The following ENTPD5 variants were observed in gnomAD, a reference collection of about 807,000 sequenced individuals.
ENTPD5 encodes the protein ectonucleoside triphosphate diphosphohydrolase 5 (inactive), also known as nucleoside diphosphate phosphatase ENTPD5.
ENTPD5 carries 49 observed loss-of-function variants against 60.2 expected under a neutral mutation model. The ratio of observed to expected loss-of-function variants is 0.81; its 90% CI spans 0.65 to 1.03. ENTPD5 has a LOEUF of 1.03. ENTPD5 is among the 50% of genes least tolerant of loss of function. The pLI, the probability that ENTPD5 is intolerant of heterozygous loss-of-function variation, is 0.00. For synonymous variants in ENTPD5, 187 were observed against 185.4 expected (o/e 1.01, Z -0.07); for missense variants, 480 against 507.6 (o/e 0.95, Z 0.52).
downstream of ENTPD5, among the ~76,000 whole-genome samples, chr14:73,957,343 C>G (rs915066093): frequency 2.0e-5 from 3 of 152,262 alleles, no homozygotes; most frequent in East Asian, 5.8e-4. Flanking sequence ...CCTCGGCCTC[C>G]CAAAGTGCTG....
chr14:73,958,127 C>A, downstream of ENTPD5: 3 of 1,610,210 alleles, frequency 1.9e-6, no homozygotes, highest in South Asian at 1.1e-5. Context: ...ATTTTTTTTC[C>A]TCTCTTTTGA....
intron 3 of ENTPD5, among the ~76,000 whole-genome samples, chr14:73,991,417 C>T (rs1309587241): frequency 2.6e-5 from 4 of 151,786 alleles, no homozygotes; most frequent in South Asian, 2.1e-4. Context: ...GTGAAACCCC[C>T]GTCTCTACTA....
intron 3 of ENTPD5, among the ~76,000 whole-genome samples, chr14:73,990,760 G>A (rs1207279897): frequency 6.6e-6 from 1 of 152,058 alleles, no homozygotes; most frequent in Non-Finnish European, 1.5e-5. Context: ...TGGGTGCAGT[G>A]GCTCATGCCT....
Position 73,987,294 on chromosome 14 carries a change from T to C in ENTPD5, c.218-401A>G, listed in dbSNP as rs2057943242. 1.5e-5 allele frequency: 9 copies of C among 614,820 alleles called. No individual in the cohort carries two copies. The South Asian group carries it at 1.6e-4, about 11-fold the overall frequency. 38.1% of individuals were successfully genotyped at this position (614,820 alleles called of 1,614,324 possible). On this transcript the variant is annotated intron_variant, in intron 4 of 15. Transcript: ENST00000334696. ...TATTATGGATCCCTGGAGTATCCCA[T>C]GTTTAAAGAGGAAGAACAAATTATA...
downstream of ENTPD5, chr14:73,955,676 A>G (rs1048154129): frequency 2.0e-6 from 3 of 1,483,056 alleles, no homozygotes. Flanking sequence ...TTCTCATTTT[A>G]TATTTTCCTA....
intron 3 of ENTPD5, among the ~76,000 whole-genome samples, chr14:74,001,519 T>G (rs1016939202): frequency 6.8e-6 from 1 of 147,296 alleles, no homozygotes; most frequent in African/African-American, 2.5e-5. Flanking sequence ...AAGAAAAAAA[T>G]TAGCCAGGCA....
downstream of ENTPD5, chr14:73,958,492 T>A (rs1031298924): frequency 7.2e-7 from 1 of 1,387,612 alleles, no homozygotes; most frequent in African/African-American, 1.5e-5. Context: ...GGTTGTGAAA[T>A]AACAGATAGC....
chr14:73,983,847 C>T (rs2057794252), intron 5 of ENTPD5, among the ~76,000 whole-genome samples: 1 of 151,416 alleles, frequency 6.6e-6, no homozygotes, highest in African/African-American at 2.4e-5. Context: ...TATGCCACCA[C>T]ACCCAGATAA....
chr14:73,997,475 T>C (rs2058373561), intron 3 of ENTPD5, among the ~76,000 whole-genome samples: 1 of 152,136 alleles, frequency 6.6e-6, no homozygotes, highest in Non-Finnish European at 1.5e-5. Flanking sequence ...TGACAATTCA[T>C]CTGAGCTCCA....
chr14:73,987,214 T>C (rs1218329299), intron 4 of ENTPD5: 1 of 693,598 alleles, frequency 1.4e-6, no homozygotes, highest in African/African-American at 1.8e-5. Context: ...TGTCCAAGGA[T>C]GGCAGTGAAA....
chr14:73,991,852 T>A (rs1408667547), intron 3 of ENTPD5, among the ~76,000 whole-genome samples: 3 of 150,850 alleles, frequency 2.0e-5, no homozygotes, highest in East Asian at 2.0e-4. Context: ...TATGTTTATT[T>A]AAAAATTTTT....
At chr14:74,011,066 A>C (rs1383815246) in intron 3 of ENTPD5, 25 bp downstream of exon 3, 1 of 542,402 alleles carries the variant, frequency 1.8e-6, no homozygotes, top group Admixed American at 6.4e-5. Context: ...GAAAAAGTGA[A>C]GTATTACTTA....
chr14:73,970,106 GT>G lies in ENTPD5; in HGVS notation c.1103del (p.Asn368ThrfsTer20). Reference sequence around the variant, plus strand: ...ACAGGAAAGGACTGCCTGAGGTGAAGTTTTCCAAGTTATCACACACTGAAAG... The same window carrying G: ...ACAGGAAAGGACTGCCTGAGGTGAAGTTTCCAAGTTATCACACACTGAAAG... The part of the protein sequence containing the change: ...KAREVCDNLE[N>X]FTSGSPFLCM... On this transcript the variant is annotated frameshift_variant, in exon 15 of 16. Coordinates refer to ENST00000334696, the MANE Select transcript of ENTPD5 (RefSeq NM_001249.5). LOFTEE classifies it high-confidence loss of function. 1 of 1,613,066 alleles carries G rather than the reference GT, an allele frequency of 6.2e-7. No homozygotes were observed. The highest frequency in any genetic ancestry group is 8.5e-7 in the Non-Finnish European group (1 of 1,179,098).
intron 11 of ENTPD5, 40 bp from the exon 12 acceptor site, chr14:73,974,018 G>A (rs1301444798): frequency 6.4e-7 from 1 of 1,555,274 alleles, no homozygotes; most frequent in Non-Finnish European, 8.9e-7. Flanking sequence ...GTAAGTAAGT[G>A]AGAGAGAGGG....
chr14:73,970,261 G>T (rs2057165622), intron 14 of ENTPD5, 136 bp from the exon 15 acceptor site: 4 of 566,594 alleles, frequency 7.1e-6, no homozygotes, highest in Non-Finnish European at 1.3e-5. Context: ...GGAGGCTGAG[G>T]CGGGTGGATC....
chr14:73,961,108 A>C, downstream of ENTPD5: 1 of 1,543,194 alleles, frequency 6.5e-7, no homozygotes, highest in South Asian at 1.2e-5. Context: ...AGGTTTCTTT[A>C]TTGAATTTTT....
At chr14:73,968,538 G>A (rs1253131417) in intron 15 of ENTPD5, among the ~76,000 whole-genome samples, 1 of 150,888 alleles carries the variant, frequency 6.6e-6, no homozygotes, top group Non-Finnish European at 1.5e-5. Context: ...TGATTCTCCT[G>A]CCTCAGCCTC....
chr14:74,014,390 C>CA (rs201142364), intron 2 of ENTPD5, among the ~76,000 whole-genome samples: 10 of 149,866 alleles, frequency 6.7e-5, no homozygotes, highest in South Asian at 2.2e-4. Context: ...TCCCCCCCCC[C>CA]ACAAAAAAAA....
chr14:73,961,672 T>C (rs2056741306), downstream of ENTPD5: 3 of 1,609,922 alleles, frequency 1.9e-6, no homozygotes, highest in African/African-American at 2.7e-5. Context: ...TATATCTGGC[T>C]TGCTAGGAGA....
Sources: gnomAD v4.1 joint callset for allele counts (sites outside exome capture counted in the v4.1 genomes callset) on GRCh38, gnomAD v4.1.1 for gene constraint, MANE v1.5 for transcripts, NCBI Gene and HGNC (gene_info 2026-07-23, HGNC 2026-07-21) for gene names.